MFHAS1: variants seen among roughly 807,000 people sequenced by gnomAD.
MFHAS1 encodes malignant fibrous histiocytoma-amplified sequence 1.
MFHAS1 carries 50 observed loss-of-function variants against 70.4 expected under a neutral mutation model. That is an observed-to-expected ratio of 0.71 (90% CI 0.57 to 0.90). The LOEUF is 0.90. Among genes scored for constraint, MFHAS1 ranks in the 40% least tolerant of loss-of-function variants. MFHAS1 has a pLI of 0.00. For missense variants in MFHAS1, 1,795 were observed against 1,347.6 expected (o/e 1.33, Z -5.20); for synonymous variants, 952 against 620.0 (o/e 1.54, Z -7.96).
intron 1 of MFHAS1, among the ~76,000 whole-genome samples, chr8:8,818,454 T>TA (rs1204742166): frequency 9.8e-5 from 15 of 152,308 alleles, no homozygotes; most frequent in Non-Finnish European, 1.5e-4. Context: ...AGAAGGACTG[T>TA]AAAAAGCTAG....
intron 1 of MFHAS1, among the ~76,000 whole-genome samples, chr8:8,827,439 C>G (rs11997445): frequency 7.0e-4 from 106 of 152,342 alleles, no homozygotes; most frequent in African/African-American, 2.4e-3. Flanking sequence ...TATTATCAGA[C>G]TTAGCCACAT....
intron 1 of MFHAS1, chr8:8,821,816 T>A (rs1392746085): frequency 6.6e-6 from 1 of 152,254 alleles, no homozygotes; most frequent in Non-Finnish European, 1.5e-5. Flanking sequence ...CTGGGTTTAG[T>A]CACCGTAGGA....
At position 8,872,867 on chromosome 8, in the gene MFHAS1, C is replaced by T. The variant is rs78656381; in HGVS notation, c.2998+17194G>A. On this transcript the variant is annotated intron_variant, in intron 1 of 2. Coordinates refer to ENST00000276282, the MANE Select transcript of MFHAS1 (RefSeq NM_004225.3). Reference sequence around the variant, plus strand: ...TGTTTTTCTTGGGGAGGGGGAAATGCATATATTTCAGAGGCTTAACAAATA... The same window carrying T: ...TGTTTTTCTTGGGGAGGGGGAAATGTATATATTTCAGAGGCTTAACAAATA... 5.5e-4 allele frequency among the ~76,000 whole-genome samples: 83 copies of T among 152,262 alleles called. 1 individual carries two copies. The East Asian group carries it at 0.012, about 22-fold the overall frequency.
In MFHAS1 at chr8:8,892,639, G is replaced by C; in HGVS notation, c.420C>G (p.Leu140=). 1 of 1,601,280 alleles carries C rather than the reference G, an allele frequency of 6.2e-7. No individual in the cohort carries two copies. The highest frequency in any genetic ancestry group is 8.5e-7 in the Non-Finnish European group (1 of 1,174,792). ...VVSALRELRK[L]NLSHNQLPAL... ...CGGGCAGCTGGTTGTGGCTGAGGTT[G>C]AGCTTCCGCAGCTCCCTCAGAGCAC... Residue 140 remains leucine (L), a synonymous_variant, in exon 1 of 3, where the codon CTC becomes CTG. Coordinates refer to ENST00000276282, the MANE Select transcript of MFHAS1 (RefSeq NM_004225.3). This position sits in a 1 kb window ranked among gnomAD's most constrained non-coding sequence, Gnocchi z 4.7.
At chr8:8,800,533 G>A (rs1015312145) in intron 1 of MFHAS1, among the ~76,000 whole-genome samples, 2 of 152,138 alleles carry the variant, frequency 1.3e-5, no homozygotes, top group Non-Finnish European at 1.5e-5. Context: ...CTGCAGGTCT[G>A]TAAACCAACC....
chr8:8,891,367 G>T lies in MFHAS1; in HGVS notation c.1692C>A (p.His564Gln). 6.2e-7 allele frequency: 1 copy of T among 1,611,416 alleles called. No individual in the cohort carries two copies. The highest frequency in any genetic ancestry group is 8.5e-7 in the Non-Finnish European group (1 of 1,180,022). ...CCAAGCGGCTCAGTCCCTCCGCGTC[G>T]TGCTTCTCCTGCAGGGCGATCTGGC... is the stretch of plus-strand genomic sequence containing the variant. Reference protein sequence around the residue: ...IHRQIALQEKHDAEGLSRLAK... With the variant: ...IHRQIALQEKQDAEGLSRLAK... Residue 564 changes from histidine (H) to glutamine (Q), a missense_variant, in exon 1 of 3, where the codon CAC (histidine) becomes CAA (glutamine). Physicochemically the swap from His to Gln is conservative, Grantham distance 24. Transcript: ENST00000276282. The surrounding 1 kb of genome is among the most constrained non-coding windows in gnomAD (Gnocchi z 5.4).
At chr8:8,854,702 G>T (rs1304375299) in intron 1 of MFHAS1, among the ~76,000 whole-genome samples, 5 of 150,484 alleles carry the variant, frequency 3.3e-5, no homozygotes, top group African/African-American at 9.8e-5. Context: ...AAAAAAGGAA[G>T]AAAGAAAAAA....
intron 1 of MFHAS1, among the ~76,000 whole-genome samples, chr8:8,810,558 T>A (rs1035401745): frequency 1.3e-5 from 2 of 152,202 alleles, no homozygotes; most frequent in Non-Finnish European, 2.9e-5. Context: ...GACAATCCAC[T>A]TCCACTGAAC....
intron 2 of MFHAS1, among the ~76,000 whole-genome samples, chr8:8,792,808 A>G (rs1376509750): frequency 1.3e-5 from 2 of 152,200 alleles, no homozygotes; most frequent in Non-Finnish European, 2.9e-5. Context: ...ATTTTCTGGT[A>G]TGGAAATTAT....
chr8:8,810,142 A>G (rs1339518334), intron 1 of MFHAS1, among the ~76,000 whole-genome samples: 1 of 152,222 alleles, frequency 6.6e-6, no homozygotes, highest in East Asian at 1.9e-4. Context: ...CGAGGCGGGC[A>G]GATTGCTTGA....
At chr8:8,846,324 G>T (rs1471759992) in intron 1 of MFHAS1, among the ~76,000 whole-genome samples, 1 of 111,360 alleles carries the variant, frequency 9.0e-6, no homozygotes, top group South Asian at 4.6e-4. Flanking sequence ...GGAGGAGAAG[G>T]AGGAGTAGGA....
intron 2 of MFHAS1, chr8:8,790,359 G>A: frequency 1.0e-6 from 1 of 984,798 alleles, no homozygotes. Flanking sequence ...CACAGTTTGG[G>A]TACAGTAAAA....
chr8:8,816,543 C>T (rs1806753325), intron 1 of MFHAS1, among the ~76,000 whole-genome samples: 2 of 152,274 alleles, frequency 1.3e-5, no homozygotes, highest in South Asian at 4.1e-4. Context: ...TATAAGCGTG[C>T]ATCGTTCTGT....
intron 1 of MFHAS1, among the ~76,000 whole-genome samples, chr8:8,880,301 AC>A (rs1809468716): frequency 6.6e-6 from 1 of 152,030 alleles, no homozygotes; most frequent in South Asian, 2.1e-4. Context: ...TATCTGCCCC[AC>A]CCCTCCAAAG....
chr8:8,865,863 T>C (rs1029502286), intron 1 of MFHAS1, among the ~76,000 whole-genome samples: 24 of 152,202 alleles, frequency 1.6e-4, no homozygotes, highest in Non-Finnish European at 2.5e-4. Context: ...GTGTCTATTA[T>C]TTCTCTCAGG....
intron 1 of MFHAS1, among the ~76,000 whole-genome samples, chr8:8,837,654 A>C (rs556446953): frequency 6.6e-6 from 1 of 152,080 alleles, no homozygotes; most frequent in Non-Finnish European, 1.5e-5. Flanking sequence ...ACTGAAAAAA[A>C]AAAAGAAGAG....
chr8:8,883,510 C>T (rs746938029), intron 1 of MFHAS1, among the ~76,000 whole-genome samples: 18 of 151,664 alleles, frequency 1.2e-4, no homozygotes, highest in Non-Finnish European at 1.5e-4. Context: ...GAGTTCAAGA[C>T]GAGCCTGGCC....
At chr8:8,795,061 G>C (rs1805845386) in intron 2 of MFHAS1, among the ~76,000 whole-genome samples, 1 of 152,154 alleles carries the variant, frequency 6.6e-6, no homozygotes, top group African/African-American at 2.4e-5. Flanking sequence ...GACGGCACTT[G>C]GCTATGGCAA....
chr8:8,817,852 C>A (rs756249275), intron 1 of MFHAS1, among the ~76,000 whole-genome samples: 1 of 152,142 alleles, frequency 6.6e-6, no homozygotes, highest in African/African-American at 2.4e-5. Context: ...TGCCGCTGAT[C>A]GGACAGGAGG....
Sources: allele counts gnomAD v4.1 joint callset (sites outside exome capture counted in the v4.1 genomes callset), GRCh38; gene constraint gnomAD v4.1.1; non-coding constraint Gnocchi (gnomAD v3.1); transcripts MANE v1.5; gene names NCBI Gene and HGNC (gene_info 2026-07-23, HGNC 2026-07-21).